MARCHF1: variants seen among roughly 807,000 people sequenced by gnomAD.
MARCHF1 encodes the protein membrane associated ring-CH-type finger 1, also known as E3 ubiquitin-protein ligase MARCHF1.
MARCHF1 carries 40 observed loss-of-function variants against 54.2 expected under a neutral mutation model. That is an observed-to-expected ratio of 0.74 (90% confidence interval 0.57 to 0.96). MARCHF1 has a LOEUF of 0.96. MARCHF1 is among the 40% of genes least tolerant of loss of function. The pLI, the probability that MARCHF1 is intolerant of heterozygous loss-of-function variation, is 0.00. For synonymous variants in MARCHF1, 236 were observed against 236.3 expected, an observed-to-expected ratio of 1.00 and a Z score of 0.01; for missense variants, 586 against 656.5, an observed-to-expected ratio of 0.89 and a Z score of 1.17.
intron 5 of MARCHF1, among the ~76,000 whole-genome samples, chr4:163,663,151 C>A (rs1579171572): frequency 6.6e-6 from 1 of 151,652 alleles, no homozygotes; most frequent in South Asian, 2.1e-4. Context: ...TTCTTTTTAT[C>A]TCTCTGTGTG....
At chr4:163,874,630 A>T (rs1384605842) in intron 3 of MARCHF1, among the ~76,000 whole-genome samples, 2 of 152,228 alleles carry the variant, frequency 1.3e-5, no homozygotes, top group Non-Finnish European at 2.9e-5. Context: ...CTACAGGCAT[A>T]TACCAGACAT....
chr4:164,060,322 C>T (rs1209863702), intron 2 of MARCHF1, among the ~76,000 whole-genome samples: 2 of 151,966 alleles, frequency 1.3e-5, no homozygotes, highest in Non-Finnish European at 2.9e-5. Context: ...ATACGTAAGA[C>T]ATATGTACAC....
intron 1 of MARCHF1, among the ~76,000 whole-genome samples, chr4:164,296,327 T>G (rs1734410731): frequency 6.6e-6 from 1 of 152,314 alleles, no homozygotes; most frequent in African/African-American, 2.4e-5. Flanking sequence ...AAATATTCCA[T>G]TGACAATCAA....
intron 2 of MARCHF1, among the ~76,000 whole-genome samples, chr4:164,069,692 C>T (rs144382480): frequency 0.012 from 1,887 of 152,150 alleles, 38 homozygotes; most frequent in African/African-American, 0.043. Flanking sequence ...ACACTCACCG[C>T]GAGGGTCCAT....
intron 1 of MARCHF1, among the ~76,000 whole-genome samples, chr4:164,174,886 G>A (rs181159504): frequency 1.4e-3 from 216 of 152,118 alleles, no homozygotes; most frequent in Admixed American, 3.7e-3. Flanking sequence ...TCATCATTTG[G>A]GGAAGAGAGT....
intron 3 of MARCHF1, among the ~76,000 whole-genome samples, chr4:163,901,066 T>C (rs1035149140): frequency 1.5e-4 from 23 of 152,166 alleles, no homozygotes; most frequent in Admixed American, 1.3e-3. Flanking sequence ...AACCATCCCA[T>C]TGTATATTTT....
chr4:164,157,389 C>T (rs957739918), intron 1 of MARCHF1, among the ~76,000 whole-genome samples: 35 of 152,188 alleles, frequency 2.3e-4, no homozygotes, highest in African/African-American at 8.4e-4. Flanking sequence ...TAAAAGGAGG[C>T]TTCACAGTTT....
intron 1 of MARCHF1, among the ~76,000 whole-genome samples, chr4:164,307,280 TAC>T (rs1160296926): frequency 6.6e-6 from 1 of 152,234 alleles, no homozygotes. Context: ...TACAAAGCTT[TAC>T]AGAGCTTCTT....
intron 1 of MARCHF1, among the ~76,000 whole-genome samples, chr4:164,380,930 T>G (rs192100833): frequency 6.6e-6 from 1 of 152,338 alleles, no homozygotes; most frequent in East Asian, 1.9e-4. Context: ...TCATTGAGTT[T>G]AAGACACAAT....
chr4:164,166,986 A>G (rs536843508), intron 1 of MARCHF1, among the ~76,000 whole-genome samples: 48 of 150,792 alleles, frequency 3.2e-4, no homozygotes, highest in Non-Finnish European at 6.4e-4. Flanking sequence ...TAAATCTTTA[A>G]ATTTATAAAG....
At position 164,060,574 on chromosome 4, in the gene MARCHF1, T is replaced by C. The variant is rs575647882; in HGVS notation, c.-248+51014A>G. On this transcript the variant is annotated intron_variant, in intron 2 of 9. Transcript: ENST00000514618. ...GGTAATAATGTCATTTGATAAATAA[T>C]TGAATAAAATAAGGATATTTCCAGG... Among the ~76,000 whole-genome samples, 18 of 152,190 alleles carry C rather than the reference T, an allele frequency of 1.2e-4. 1 individual carries two copies. Among genetic ancestry groups the C allele is most frequent in the African/African-American group, 3.1e-4 (13 of 41,560 alleles).
chr4:164,252,512 T>C (rs1299927789), intron 1 of MARCHF1, among the ~76,000 whole-genome samples: 1 of 152,062 alleles, frequency 6.6e-6, no homozygotes, highest in Non-Finnish European at 1.5e-5. Context: ...TGCGTCATGC[T>C]CAGCACCCTC....
chr4:164,105,424 T>A (rs1755669756), intron 2 of MARCHF1, among the ~76,000 whole-genome samples: 1 of 150,302 alleles, frequency 6.7e-6, no homozygotes, highest in Middle Eastern at 3.4e-3. Context: ...GAGATATAGA[T>A]CAATGGAACA....
chr4:164,142,724 A>C (rs1041033208), intron 1 of MARCHF1, among the ~76,000 whole-genome samples: 2 of 152,260 alleles, frequency 1.3e-5, no homozygotes, highest in Non-Finnish European at 1.5e-5. Flanking sequence ...AATGGGGAAA[A>C]AACACAGCAG....
At chr4:164,161,096 C>A (rs983212916) in intron 1 of MARCHF1, among the ~76,000 whole-genome samples, 1 of 152,056 alleles carries the variant, frequency 6.6e-6, no homozygotes, top group African/African-American at 2.4e-5. Flanking sequence ...GAAATATAAA[C>A]CTCAGTGTTA....
intron 1 of MARCHF1, among the ~76,000 whole-genome samples, chr4:164,320,844 G>A (rs1735122535): frequency 6.6e-6 from 1 of 152,138 alleles, no homozygotes; most frequent in Non-Finnish European, 1.5e-5. Context: ...TGAAAGTTCT[G>A]GGGAGGTGAC....
At chr4:164,178,980 A>T (rs1560941513) in intron 1 of MARCHF1, among the ~76,000 whole-genome samples, 3 of 151,980 alleles carry the variant, frequency 2.0e-5, no homozygotes, top group African/African-American at 7.2e-5. Flanking sequence ...TACTACCTGG[A>T]GAAAAAGTTC....
chr4:163,541,362 AGTTGTTTTTGGT>A (rs1738718790), intron 9 of MARCHF1, among the ~76,000 whole-genome samples: 1 of 152,214 alleles, frequency 6.6e-6, no homozygotes, highest in African/African-American at 2.4e-5. Flanking sequence ...AAATTGTTGT[AGTTGTTTTTGGT>A]TTGTATTTTT....
intron 9 of MARCHF1, among the ~76,000 whole-genome samples, chr4:163,541,679 T>C (rs79702109): frequency 4.6e-5 from 7 of 152,332 alleles, no homozygotes; most frequent in Non-Finnish European, 8.8e-5. Flanking sequence ...CTGTTTTATA[T>C]TCAACCTCAA....
Sources: gnomAD v4.1 joint callset for allele counts (sites outside exome capture counted in the v4.1 genomes callset) on GRCh38, gnomAD v4.1.1 for gene constraint, MANE v1.5 for transcripts, NCBI Gene and HGNC (gene_info 2026-07-23, HGNC 2026-07-21) for gene names.